The following OSBPL6 variants were observed in gnomAD, a reference collection of about 807,000 sequenced individuals.
The protein encoded by OSBPL6 is oxysterol-binding protein-related protein 6.
Under a neutral mutation model 125.8 loss-of-function variants are expected in OSBPL6, and 49 were observed. The ratio of observed to expected loss-of-function variants is 0.39; its 90% CI spans 0.31 to 0.49. OSBPL6 has a LOEUF of 0.49. Ranked by LOEUF, OSBPL6 falls within the 20% of genes least tolerant of loss-of-function variation. OSBPL6 has a pLI of 0.88. For missense variants in OSBPL6, 986 were observed against 1,135.4 expected (o/e 0.87, Z 1.89); for synonymous variants, 394 against 391.8 (o/e 1.01, Z -0.07).
At chr2:178,211,290 A>G (rs900147613) in intron 1 of OSBPL6, among the ~76,000 whole-genome samples, 11 of 152,090 alleles carry the variant, frequency 7.2e-5, no homozygotes, top group Admixed American at 3.3e-4. Flanking sequence ...AAACAAATAA[A>G]CGAAAACCCA....
chr2:178,249,106 T>C (rs2091595197), intron 1 of OSBPL6, among the ~76,000 whole-genome samples: 1 of 152,074 alleles, frequency 6.6e-6, no homozygotes, highest in Non-Finnish European at 1.5e-5. Context: ...CCTGGCCTAA[T>C]TTTTGTACTT....
chr2:178,273,552 C>T (rs1027071488), intron 1 of OSBPL6, among the ~76,000 whole-genome samples: 1 of 151,836 alleles, frequency 6.6e-6, no homozygotes, highest in African/African-American at 2.4e-5. Flanking sequence ...TGCACTCCAG[C>T]CTGGGTGACA....
At chr2:178,250,101 T>C (rs2091640556) in intron 1 of OSBPL6, among the ~76,000 whole-genome samples, 1 of 152,220 alleles carries the variant, frequency 6.6e-6, no homozygotes, top group African/African-American at 2.4e-5. Flanking sequence ...GTGGCACAGA[T>C]GCTAACACAG....
intron 9 of OSBPL6, among the ~76,000 whole-genome samples, chr2:178,338,703 T>G (rs1689924762): frequency 6.6e-6 from 1 of 152,212 alleles, no homozygotes; most frequent in Admixed American, 6.5e-5. Context: ...GCTTCCCATG[T>G]GGCAAAAGCT....
At chr2:178,255,695 G>A (rs919317175) in intron 1 of OSBPL6, among the ~76,000 whole-genome samples, 1 of 152,182 alleles carries the variant, frequency 6.6e-6, no homozygotes, top group Non-Finnish European at 1.5e-5. Context: ...TCATATCACT[G>A]TGGGATATCA....
Position 178,328,465 on chromosome 2 carries a change from ATGGC to A in OSBPL6, c.318+88_318+91del, listed in dbSNP as rs1688893621. The A allele has an allele frequency of 7.3e-6, 11 of 1,510,660 alleles. No individual in the cohort carries two copies. The Admixed American group carries it at 1.9e-4, about 26-fold the overall frequency. The allele number at this position is 1,510,660 out of a possible 1,614,324, so 93.6% of individuals were successfully genotyped here. A position where few individuals can be genotyped will look rare whatever the true frequency, so the allele number is the denominator to read the frequency against. Reference sequence around the variant, plus strand: ...TATCATGGGGTGGGAAACTAAGAATATGGCAGTATGTGTAAAACTAGCTTTTTAA... The same window carrying A: ...TATCATGGGGTGGGAAACTAAGAATAAGTATGTGTAAAACTAGCTTTTTAA... On this transcript the variant is annotated intron_variant, in intron 5 of 24. Coordinates refer to ENST00000190611, the MANE Select transcript of OSBPL6 (RefSeq NM_032523.4).
intron 13 of OSBPL6, among the ~76,000 whole-genome samples, chr2:178,367,580 AC>A (rs1417703280): frequency 3.9e-5 from 6 of 152,192 alleles, no homozygotes; most frequent in Admixed American, 6.5e-5. Flanking sequence ...CCTAGGAATT[AC>A]CTGCCAGGGT....
chr2:178,385,388 G>C, intron 18 of OSBPL6, 70 bp from the exon 19 acceptor site: 1 of 1,093,228 alleles, frequency 9.1e-7, no homozygotes, highest in Non-Finnish European at 1.4e-6. Context: ...GAATAATTCA[G>C]TAAGAGAAAT....
intron 13 of OSBPL6, among the ~76,000 whole-genome samples, chr2:178,363,359 G>A (rs750245314): frequency 7.2e-5 from 11 of 152,042 alleles, no homozygotes; most frequent in South Asian, 2.1e-4. Flanking sequence ...TATTCCATTC[G>A]GGTGACTATA....
At chr2:178,302,835 A>G (rs551831865) in intron 2 of OSBPL6, among the ~76,000 whole-genome samples, 101 of 152,312 alleles carry the variant, frequency 6.6e-4, no homozygotes, top group African/African-American at 2.3e-3. Context: ...TAAATGAAAA[A>G]ATCCAGCAGA....
At chr2:178,361,839 A>G (rs1692388332) in intron 13 of OSBPL6, 24 bp downstream of exon 13, 2 of 1,613,612 alleles carry the variant, frequency 1.2e-6, no homozygotes, top group Non-Finnish European at 1.7e-6. Flanking sequence ...GTGTGTTTGC[A>G]TGTACATGAC....
rs372192521 is a variant in OSBPL6 at position 178,221,357 on chromosome 2, T to A, written c.-351+26683T>A. On this transcript the variant is annotated intron_variant, in intron 1 of 24. Transcript: ENST00000190611. ...AGAAACATCACTGGGAAACACCTAA[T>A]AAGCAGGTAGTACTACTTGAAAGAA... Among the ~76,000 whole-genome samples the A allele has an allele frequency of 3.3e-4, 51 of 152,304 alleles. No individual in the cohort carries two copies. The Middle Eastern group carries it at 0.01, about 30-fold the overall frequency.
intron 11 of OSBPL6, 84 bp from the exon 12 acceptor site, chr2:178,349,140 A>G (rs1428169286): frequency 7.3e-7 from 1 of 1,378,130 alleles, no homozygotes; most frequent in East Asian, 2.3e-5. Context: ...TATTATTTTG[A>G]AGAACGGGAG....
At chr2:178,207,428 A>G (rs1380093946) in intron 1 of OSBPL6, among the ~76,000 whole-genome samples, 1 of 152,230 alleles carries the variant, frequency 6.6e-6, no homozygotes, top group Non-Finnish European at 1.5e-5. Flanking sequence ...ACCTCCTCTC[A>G]GTATCCTTCA....
intron 1 of OSBPL6, among the ~76,000 whole-genome samples, chr2:178,217,201 T>C (rs1043935162): frequency 1.3e-5 from 2 of 152,146 alleles, no homozygotes; most frequent in African/African-American, 4.8e-5. Flanking sequence ...AATAATCCAG[T>C]GTCTAAGTGA....
intron 9 of OSBPL6, among the ~76,000 whole-genome samples, chr2:178,338,739 C>T (rs1266021025): frequency 2.0e-5 from 3 of 152,186 alleles, no homozygotes; most frequent in Admixed American, 2.0e-4. Context: ...GGATCACATA[C>T]AGTGTGACTG....
chr2:178,205,920 T>C (rs2089503914), intron 1 of OSBPL6, among the ~76,000 whole-genome samples: 1 of 152,186 alleles, frequency 6.6e-6, no homozygotes, highest in Non-Finnish European at 1.5e-5. Flanking sequence ...GCTATGAAAA[T>C]ATCAAAGGGT....
intron 4 of OSBPL6, among the ~76,000 whole-genome samples, chr2:178,326,324 C>G (rs1688693789): frequency 6.6e-6 from 1 of 152,096 alleles, no homozygotes; most frequent in Non-Finnish European, 1.5e-5. Flanking sequence ...TATGACATTA[C>G]TGTCTGTTCT....
chr2:178,383,340 C>A, intron 17 of OSBPL6, 63 bp downstream of exon 17: 4 of 1,547,986 alleles, frequency 2.6e-6, no homozygotes, highest in Non-Finnish European at 3.5e-6. Flanking sequence ...CTGGGCTAAG[C>A]CAGAATTCAT....
Sources: allele counts gnomAD v4.1 joint callset (sites outside exome capture counted in the v4.1 genomes callset), GRCh38; gene constraint gnomAD v4.1.1; transcripts MANE v1.5; gene names NCBI Gene and HGNC (gene_info 2026-07-23, HGNC 2026-07-21).